TMEM132D: variants seen among roughly 807,000 people sequenced by gnomAD.
TMEM132D encodes the protein transmembrane protein 132D.
Under a neutral mutation model 62.3 loss-of-function variants are expected in TMEM132D, and 21 were observed. That is an observed-to-expected ratio of 0.34 (90% CI 0.24 to 0.49). TMEM132D has a LOEUF of 0.49. TMEM132D is among the 20% of genes least tolerant of loss of function. TMEM132D has a pLI of 0.99. For synonymous variants in TMEM132D, 621 were observed against 575.6 expected (o/e 1.08, Z -1.13); for missense variants, 1,346 against 1,402.8 (o/e 0.96, Z 0.65).
At chr12:129,796,021 T>C (rs1871551749) in intron 1 of TMEM132D, among the ~76,000 whole-genome samples, 1 of 152,126 alleles carries the variant, frequency 6.6e-6, no homozygotes, top group African/African-American at 2.4e-5. Context: ...TTACATCAAA[T>C]GGAAATAAAT....
intron 1 of TMEM132D, among the ~76,000 whole-genome samples, chr12:129,800,686 TTAAAG>T (rs1326603763): frequency 6.6e-6 from 1 of 151,986 alleles, no homozygotes; most frequent in Non-Finnish European, 1.5e-5. Flanking sequence ...ATTTGCCTGT[TTAAAG>T]TAATTACCAG....
At chr12:129,704,870 T>G (rs1036601692) in intron 1 of TMEM132D, among the ~76,000 whole-genome samples, 1 of 152,214 alleles carries the variant, frequency 6.6e-6, no homozygotes, top group African/African-American at 2.4e-5. Flanking sequence ...CATAGAATAT[T>G]GAAGTACCTT....
rs1422495874 is a variant in TMEM132D, at chr12:129,336,569, C to CAAAAAA, written c.1299+1064_1299+1065insTTTTTT. On this transcript the variant is annotated intron_variant, in intron 4 of 8. Transcript: ENST00000422113. ...CCTGGGCAACAGACTGGCACTCCGT[C>CAAAAAA]AAAAAGAAAAAAAAAAGAACATTAC... Among the ~76,000 whole-genome samples the CAAAAAA allele has an allele frequency of 7.3e-3, 1,091 of 149,060 alleles. 16 individuals carry two copies. Among genetic ancestry groups the CAAAAAA allele is most frequent in the African/African-American group, 0.026 (1,043 of 40,160 alleles).
intron 1 of TMEM132D, among the ~76,000 whole-genome samples, chr12:129,705,324 A>T (rs1286199428): frequency 1.3e-5 from 2 of 152,230 alleles, no homozygotes; most frequent in East Asian, 3.8e-4. Flanking sequence ...AACCGAAAAC[A>T]CCACCTTTTA....
intron 5 of TMEM132D, among the ~76,000 whole-genome samples, chr12:129,191,311 A>ACACG (rs1185645584): frequency 6.6e-6 from 1 of 151,622 alleles, no homozygotes; most frequent in South Asian, 2.1e-4. Flanking sequence ...ACACACACAC[A>ACACG]CACACACACA....
intron 2 of TMEM132D, among the ~76,000 whole-genome samples, chr12:129,567,008 G>A (rs542873606): frequency 7.2e-5 from 11 of 152,256 alleles, no homozygotes; most frequent in South Asian, 4.1e-4. Context: ...ATTGACTGAC[G>A]TCATGTCTCC....
intron 2 of TMEM132D, among the ~76,000 whole-genome samples, chr12:129,581,509 A>G (rs2137126884): frequency 6.6e-6 from 1 of 152,344 alleles, no homozygotes; most frequent in Admixed American, 6.5e-5. Flanking sequence ...TCTGTGGCCA[A>G]AGGCCTGAGA....
chr12:129,537,699 G>A (rs1876437850), intron 2 of TMEM132D, among the ~76,000 whole-genome samples: 1 of 152,336 alleles, frequency 6.6e-6, no homozygotes, highest in East Asian at 1.9e-4. Flanking sequence ...AGGAAGTAGA[G>A]AACAGTTCGA....
intron 3 of TMEM132D, among the ~76,000 whole-genome samples, chr12:129,463,721 G>A (rs7484395): frequency 0.045 from 6,850 of 151,538 alleles, 202 homozygotes; most frequent in Non-Finnish European, 0.07. Context: ...GAGAACATGC[G>A]GTGTTCGGTT....
chr12:129,667,160 G>C (rs533415993), intron 2 of TMEM132D, among the ~76,000 whole-genome samples: 1 of 152,158 alleles, frequency 6.6e-6, no homozygotes, highest in African/African-American at 2.4e-5. Flanking sequence ...CTGATCTGCT[G>C]TTTGATGGAA....
chr12:129,530,187 TATCAGC>T (rs1876174635), intron 3 of TMEM132D, among the ~76,000 whole-genome samples: 1 of 152,150 alleles, frequency 6.6e-6, no homozygotes, highest in African/African-American at 2.4e-5. Flanking sequence ...TCATAATAGT[TATCAGC>T]TGAGATTCCT....
chr12:129,253,497 A>T (rs11060221), intron 4 of TMEM132D, among the ~76,000 whole-genome samples: 50,835 of 152,118 alleles, frequency 0.33, 10,060 homozygotes, highest in Non-Finnish European at 0.45. Context: ...GTCTTAGAAA[A>T]GTAATTAAGT....
At chr12:129,206,640 G>A (rs1450532805) in intron 5 of TMEM132D, among the ~76,000 whole-genome samples, 1 of 152,274 alleles carries the variant, frequency 6.6e-6, no homozygotes, top group Admixed American at 6.5e-5. Flanking sequence ...CTACCATAAA[G>A]ATACATGCAC....
chr12:129,860,623 A>G (rs1873863474), intron 1 of TMEM132D, among the ~76,000 whole-genome samples: 1 of 152,176 alleles, frequency 6.6e-6, no homozygotes, highest in Admixed American at 6.5e-5. Context: ...TAGCTATGTC[A>G]TCTTGTTGGC....
chr12:129,746,520 G>A (rs1035835356), intron 1 of TMEM132D, among the ~76,000 whole-genome samples: 7 of 152,262 alleles, frequency 4.6e-5, no homozygotes, highest in South Asian at 2.1e-4. Context: ...ATTGTCAGGC[G>A]TGGGGGTGGC....
chr12:129,799,524 A>C (rs1382023415), intron 1 of TMEM132D, among the ~76,000 whole-genome samples: 1 of 152,020 alleles, frequency 6.6e-6, no homozygotes, highest in Non-Finnish European at 1.5e-5. Flanking sequence ...GAGGTCAGCC[A>C]TCACCTGGAG....
chr12:129,074,387 C>G lies in TMEM132D; in HGVS notation c.2788G>C (p.Ala930Pro), dbSNP rs2135602860. 6.2e-7 allele frequency: 1 copy of G among 1,613,920 alleles called. No individual in the cohort carries two copies. Among genetic ancestry groups the G allele is most frequent in the East Asian group, 2.2e-5 (1 of 44,862 alleles). The stretch of plus-strand genomic sequence containing the variant: ...CAGTTTATCAAGAAGACCAAAATGG[C>G]CAAACAGAAGACTCCCAACAAAGCA... ...MYALLGVFCL[A>P]ILVFLINCVT... The change falls in exon 9 of 9, where the codon GCC becomes CCC. Residue 930 changes from alanine (A) to proline (P), a missense_variant. Physicochemically the swap from Ala to Pro is conservative, Grantham distance 27 (BLOSUM62 -1). Coordinates refer to ENST00000422113, the MANE Select transcript of TMEM132D (RefSeq NM_133448.3).
Position 129,726,317 on chromosome 12 carries a change from G to A in TMEM132D, c.80-25619C>T, listed in dbSNP as rs563602456. 1.1e-3 allele frequency among the ~76,000 whole-genome samples: 168 copies of A among 152,306 alleles called. 1 individual carries two copies. Among genetic ancestry groups the A allele is most frequent in the Admixed American group, 2.0e-3 (30 of 15,302 alleles). Reference sequence around the variant, plus strand: ...GGGTGGACTTGGGACCCTGGACACAGTGTCCCTGAGGAGGTAACATTTGAA... The same window carrying A: ...GGGTGGACTTGGGACCCTGGACACAATGTCCCTGAGGAGGTAACATTTGAA... On this transcript the variant is annotated intron_variant, in intron 1 of 8. Coordinates refer to ENST00000422113, the MANE Select transcript of TMEM132D (RefSeq NM_133448.3).
intron 2 of TMEM132D, among the ~76,000 whole-genome samples, chr12:129,684,395 T>C (rs1173190911): frequency 1.3e-5 from 2 of 152,110 alleles, no homozygotes; most frequent in Non-Finnish European, 2.9e-5. Context: ...ACATGTTTGC[T>C]TCCCCTTCCA....
Sources: gnomAD v4.1 joint callset for allele counts (sites outside exome capture counted in the v4.1 genomes callset) on GRCh38, gnomAD v4.1.1 for gene constraint, MANE v1.5 for transcripts, NCBI Gene and HGNC (gene_info 2026-07-23, HGNC 2026-07-21) for gene names.